The following DMC1 variants were observed in gnomAD, a reference collection of about 807,000 sequenced individuals.
DMC1 encodes DNA meiotic recombinase 1, also known as meiotic recombination protein DMC1 homolog.
A neutral mutation model predicts 50.1 loss-of-function variants in DMC1; 27 were observed. That is an observed-to-expected ratio of 0.54 (90% CI 0.40 to 0.74). The LOEUF is 0.74. Ranked by LOEUF, DMC1 falls within the 30% of genes least tolerant of loss-of-function variation. The probability of loss-of-function intolerance (pLI) is 0.00; values close to 1 mark genes in which losing one functional copy is unlikely to be tolerated. For synonymous variants in DMC1, 148 were observed against 136.1 expected, an observed-to-expected ratio of 1.09 and a Z score of -0.61; for missense variants, 295 against 420.2, an observed-to-expected ratio of 0.70 and a Z score of 2.60.
intron 12 of DMC1, among the ~76,000 whole-genome samples, chr22:38,533,520 G>A (rs1162250106): frequency 6.6e-6 from 1 of 151,612 alleles, no homozygotes; most frequent in African/African-American, 2.4e-5. Flanking sequence ...TCATTTCAAT[G>A]TAATTTACAG....
Position 38,552,684 on chromosome 22 carries a change from G to T in DMC1, c.403C>A (p.Leu135Ile). The change falls in exon 7 of 14, where the codon CTT becomes ATT. Residue 135 changes from leucine (L) to isoleucine (I), a missense_variant. Transcript: ENST00000216024. ...FGEFRTGKTQ[L>I]SHTLCVTAQL... ...TCCTTACCACAGAGGGTATGAGAAA[G>T]CTGGGTTTTTCCAGTACGAAATTCT... 1 of 1,594,118 alleles carries T rather than the reference G, an allele frequency of 6.3e-7. No individual in the cohort carries two copies. Among genetic ancestry groups the T allele is most frequent in the Non-Finnish European group, 8.6e-7 (1 of 1,162,166 alleles).
At chr22:38,518,626 G>C (rs963647588), downstream of DMC1, among the ~76,000 whole-genome samples, 8 of 151,862 alleles carry the variant, frequency 5.3e-5, no homozygotes, top group African/African-American at 1.9e-4. Context: ...CACCTCCTGG[G>C]CTCCAGCAAT....
chr22:38,566,274 G>GAAAA (rs547899560), intron 4 of DMC1, among the ~76,000 whole-genome samples: 1 of 67,680 alleles, frequency 1.5e-5, no homozygotes, highest in African/African-American at 4.4e-5. Context: ...CTCTGTCTCA[G>GAAAA]AAAAAAAAAA....
At chr22:38,555,051 T>A (rs576443445) in intron 6 of DMC1, among the ~76,000 whole-genome samples, 3 of 146,206 alleles carry the variant, frequency 2.1e-5, no homozygotes, top group Non-Finnish European at 3.0e-5. Flanking sequence ...GCCACTGCAC[T>A]CCAGCCTGGA....
Position 38,547,003 on chromosome 22 carries a change from T to G in DMC1, c.494+2922A>C, listed in dbSNP as rs191948527. On this transcript the variant is annotated intron_variant, in intron 8 of 13. Coordinates refer to ENST00000216024, the MANE Select transcript of DMC1 (RefSeq NM_007068.4). ...ACATCTGGGATGCAAGAAACCATAATGAACAAAGAAAACAAAAATCTTTAT... is the reference window on the plus strand; with the variant it reads ...ACATCTGGGATGCAAGAAACCATAAGGAACAAAGAAAACAAAAATCTTTAT... Among the ~76,000 whole-genome samples the G allele has an allele frequency of 3.2e-3, 493 of 152,262 alleles. 3 individuals carry two copies. The highest frequency in any genetic ancestry group is 0.011 in the African/African-American group (475 of 41,578).
chr22:38,541,852 T>A (rs2090284753), intron 8 of DMC1, among the ~76,000 whole-genome samples: 1 of 151,892 alleles, frequency 6.6e-6, no homozygotes, highest in Non-Finnish European at 1.5e-5. Context: ...CAACAATACA[T>A]TAAACAGATC....
intron 4 of DMC1, among the ~76,000 whole-genome samples, chr22:38,565,682 C>T (rs2090573956): frequency 6.6e-6 from 1 of 152,202 alleles, no homozygotes. Context: ...AGCCAAGAAC[C>T]CTCCCAGGTT....
At chr22:38,509,155 C>A in the DMC1 span, among the ~76,000 whole-genome samples, 3 of 152,114 alleles carry the variant, frequency 2.0e-5, no homozygotes, top group African/African-American at 7.2e-5. Context: ...CCTTGCCTGG[C>A]CTTTGTCATC....
intron 6 of DMC1, among the ~76,000 whole-genome samples, chr22:38,553,942 C>A (rs1161511131): frequency 1.6e-5 from 2 of 125,686 alleles, no homozygotes; most frequent in Admixed American, 1.0e-4. Flanking sequence ...GGCAACAGAG[C>A]GAGACTCCAT....
At chr22:38,546,745 C>G (rs1253629457) in intron 8 of DMC1, among the ~76,000 whole-genome samples, 2 of 152,052 alleles carry the variant, frequency 1.3e-5, no homozygotes, top group African/African-American at 4.8e-5. Flanking sequence ...GAAATGAGAG[C>G]CTTAAATGAT....
chr22:38,516,629 G>A (rs1602702295), downstream of DMC1, among the ~76,000 whole-genome samples: 1 of 152,080 alleles, frequency 6.6e-6, no homozygotes, highest in African/African-American at 2.4e-5. Context: ...GGAGAGGCTT[G>A]TAGAAGAAAG....
At chr22:38,549,664 T>C (rs896953509) in intron 8 of DMC1, 2 of 384,576 alleles carry the variant, frequency 5.2e-6, no homozygotes, top group African/African-American at 4.2e-5. Flanking sequence ...GCAACATCTT[T>C]AGAGAAGTAA....
chr22:38,521,508 A>C (rs2090023499), intron 13 of DMC1, 100 bp downstream of exon 13: 2 of 806,056 alleles, frequency 2.5e-6, no homozygotes, highest in African/African-American at 1.7e-5. Context: ...GTTTGAGACC[A>C]GCTCGGGCAA....
intron 8 of DMC1, among the ~76,000 whole-genome samples, chr22:38,542,398 A>G (rs1164386102): frequency 1.3e-5 from 2 of 152,164 alleles, no homozygotes; most frequent in Non-Finnish European, 2.9e-5. Flanking sequence ...CAGCATTTCT[A>G]AATACCGACA....
chr22:38,527,633 C>T (rs1049792299), intron 12 of DMC1, among the ~76,000 whole-genome samples: 1 of 151,494 alleles, frequency 6.6e-6, no homozygotes, highest in Admixed American at 6.6e-5. Flanking sequence ...ATTCTCCCTG[C>T]CTCAGCCTCC....
Position 38,553,091 on chromosome 22 carries a change from G to A in DMC1, c.380-384C>T, listed in dbSNP as rs531275786. Among the ~76,000 whole-genome samples, 11 of 150,072 alleles carry A rather than the reference G, an allele frequency of 7.3e-5. No individual in the cohort carries two copies. In the East Asian group the frequency reaches 8.0e-4, roughly 11 times the overall value. On this transcript the variant is annotated intron_variant, in intron 6 of 13. Transcript: ENST00000216024. ...TCAAACTCCTGAACTCAGGTGATCCGCCCACCTCAGCCTCCCAAAGTGCTG... is the reference window on the plus strand; with the variant it reads ...TCAAACTCCTGAACTCAGGTGATCCACCCACCTCAGCCTCCCAAAGTGCTG...
At chr22:38,550,134 A>C in intron 7 of DMC1, 137 bp from the exon 8 acceptor site, 1 of 655,922 alleles carries the variant, frequency 1.5e-6, no homozygotes, top group Non-Finnish European at 2.7e-6. Flanking sequence ...GTTTCTAAAC[A>C]ACATGTTATA....
chr22:38,564,283 C>A (rs994023715), intron 4 of DMC1, among the ~76,000 whole-genome samples: 2 of 152,136 alleles, frequency 1.3e-5, no homozygotes, highest in African/African-American at 4.8e-5. Context: ...CCAGACTGGG[C>A]AACATAGTGA....
chr22:38,560,743 A>T (rs778011624), intron 5 of DMC1, among the ~76,000 whole-genome samples: 1 of 151,978 alleles, frequency 6.6e-6, no homozygotes, highest in Non-Finnish European at 1.5e-5. Context: ...TCAAGCATAA[A>T]CAAATGTAGA....
Sources: allele counts gnomAD v4.1 joint callset (sites outside exome capture counted in the v4.1 genomes callset), GRCh38; gene constraint gnomAD v4.1.1; transcripts MANE v1.5; gene names NCBI Gene and HGNC (gene_info 2026-07-23, HGNC 2026-07-21).